The following PDE6D variants were observed in gnomAD, a reference collection of about 807,000 sequenced individuals.
The protein encoded by PDE6D is retinal rod rhodopsin-sensitive cGMP 3',5'-cyclic phosphodiesterase subunit delta.
Under a neutral mutation model 21.9 loss-of-function variants are expected in PDE6D, and 10 were observed. The observed-to-expected ratio is 0.46, with a 90% CI of 0.28 to 0.78. PDE6D has a LOEUF of 0.78. Ranked by LOEUF, PDE6D falls within the 30% of genes least tolerant of loss-of-function variation. The probability of loss-of-function intolerance (pLI) is 0.12; values close to 1 mark genes in which losing one functional copy is unlikely to be tolerated. For synonymous variants in PDE6D, 59 were observed against 63.5 expected, an observed-to-expected ratio of 0.93 and a Z score of 0.34; for missense variants, 139 against 184.8, an observed-to-expected ratio of 0.75 and a Z score of 1.44.
chr2:231,776,321 CAAAAAA>C (rs1008155828), intron 1 of PDE6D, among the ~76,000 whole-genome samples: 2 of 54,052 alleles, frequency 3.7e-5, no homozygotes, highest in Non-Finnish European at 7.0e-5. Context: ...GACTCCGTCT[CAAAAAA>C]AAAAAAAAAA....
chr2:231,777,448 G>A (rs2049066184), intron 1 of PDE6D, among the ~76,000 whole-genome samples: 1 of 152,018 alleles, frequency 6.6e-6, no homozygotes, highest in African/African-American at 2.4e-5. Context: ...GGGATTACAG[G>A]TGTGAGTCAC....
At chr2:231,763,030 A>C (rs2048944308) in intron 1 of PDE6D, among the ~76,000 whole-genome samples, 1 of 152,172 alleles carries the variant, frequency 6.6e-6, no homozygotes. Flanking sequence ...TGGTTCTAAG[A>C]GCAGTTGTTA....
intron 1 of PDE6D, among the ~76,000 whole-genome samples, chr2:231,763,611 T>C (rs1047731749): frequency 7.9e-5 from 12 of 152,160 alleles, no homozygotes; most frequent in Non-Finnish European, 1.6e-4. Context: ...AACTTTTATG[T>C]CATTTTTCTT....
At chr2:231,744,433 T>TC (rs2048775406) in intron 1 of PDE6D, among the ~76,000 whole-genome samples, 3 of 146,742 alleles carry the variant, frequency 2.0e-5, no homozygotes, top group Admixed American at 1.4e-4. Flanking sequence ...TAATTGCTTT[T>TC]CTTTTTTTTT....
intron 1 of PDE6D, among the ~76,000 whole-genome samples, chr2:231,768,223 T>C (rs2048988009): frequency 6.6e-6 from 1 of 152,198 alleles, no homozygotes; most frequent in African/African-American, 2.4e-5. Flanking sequence ...ATATCATTAA[T>C]GAATAAAATT....
At chr2:231,754,094 TCAGA>T (rs1200867942) in intron 1 of PDE6D, among the ~76,000 whole-genome samples, 1 of 152,114 alleles carries the variant, frequency 6.6e-6, no homozygotes, top group Non-Finnish European at 1.5e-5. Flanking sequence ...TAGGACCACA[TCAGA>T]CAAAGATGAT....
At position 231,770,911 on chromosome 2, in the gene PDE6D, C is replaced by T. The variant is rs1297266671; in HGVS notation, c.50+10154G>A. ...GAGGTTGCAGTGAGTTGAGATCGCG[C>T]CATTGCACTCCAGCCTGGGTGACAA... On this transcript the variant is annotated intron_variant, in intron 1 of 4. Transcript: ENST00000287600. Among the ~76,000 whole-genome samples the T allele has an allele frequency of 2.6e-5, 4 of 151,024 alleles. No homozygotes were observed. In the East Asian group the frequency reaches 7.8e-4, roughly 29 times the overall value.
At chr2:231,749,370 C>G (rs1011765351) in intron 1 of PDE6D, among the ~76,000 whole-genome samples, 18 of 152,220 alleles carry the variant, frequency 1.2e-4, no homozygotes, top group Non-Finnish European at 2.2e-4. Context: ...GCCAATTTCT[C>G]CCATTTGGAA....
chr2:231,739,183 C>T lies in PDE6D; in HGVS notation c.56G>A (p.Trp19Ter). The change falls in exon 2 of 5, where the codon TGG becomes TAG. Residue 19 changes from tryptophan to a stop codon, truncating the protein, a stop_gained. Coordinates refer to ENST00000287600, the MANE Select transcript of PDE6D (RefSeq NM_002601.4). LOFTEE classifies it high-confidence loss of function. The surrounding 1 kb of genome is among the most constrained non-coding windows in gnomAD (Gnocchi z 4.2). The part of the protein sequence containing the change: ...REILRGFKLN[W>*]MNLRDAETGK... ...TGTCTCAGCATCCCGAAGGTTCATC[C>T]AATTTCTGATCAAATATGACTAAGG... The T allele has an allele frequency of 6.2e-7, 1 of 1,604,112 alleles. No homozygotes were observed. The highest frequency in any genetic ancestry group is 8.5e-7 in the Non-Finnish European group (1 of 1,170,920).
At chr2:231,754,718 G>A (rs971312503) in intron 1 of PDE6D, among the ~76,000 whole-genome samples, 1 of 150,542 alleles carries the variant, frequency 6.6e-6, no homozygotes, top group African/African-American at 2.4e-5. Flanking sequence ...TTAATGCCAT[G>A]CAGCAAAACT....
At chr2:231,754,513 T>C (rs2106273924) in intron 1 of PDE6D, among the ~76,000 whole-genome samples, 1 of 150,472 alleles carries the variant, frequency 6.6e-6, no homozygotes, top group Non-Finnish European at 1.5e-5. Flanking sequence ...CCCACCACCA[T>C]GCCTGGCTAA....
chr2:231,735,190 C>T (rs838414), intron 4 of PDE6D, among the ~76,000 whole-genome samples: 4 of 132,330 alleles, frequency 3.0e-5, no homozygotes, highest in Non-Finnish European at 6.4e-5. Flanking sequence ...TGCAGTGAGC[C>T]GAGATCTTGC....
chr2:231,775,069 A>C (rs2049044372), intron 1 of PDE6D, among the ~76,000 whole-genome samples: 1 of 151,116 alleles, frequency 6.6e-6, no homozygotes, highest in Admixed American at 6.6e-5. Context: ...TGTGCCACCA[A>C]GTTTGGCTAA....
At position 231,732,893 on chromosome 2, in the gene PDE6D, AAC is replaced by A. The variant is rs199614325; in HGVS notation, c.*57_*58del. ...ATCAAACGTGTGGAGGAAAAAAGTA[AAC>A]AGTTTCCTCCTCCCTCCAAAAAACC... On this transcript the variant is annotated 3_prime_UTR_variant, in exon 5 of 5. Transcript: ENST00000287600. 16,829 of 1,119,056 alleles carry A rather than the reference AAC, an allele frequency of 0.015. 207 individuals carry two copies. Among genetic ancestry groups the A allele is most frequent in the Non-Finnish European group, 0.016 (12,104 of 737,510 alleles). 69.3% of individuals were successfully genotyped at this position (1,119,056 alleles called of 1,614,324 possible).
chr2:231,766,244 ACTGGC>A (rs2106282346), intron 1 of PDE6D, among the ~76,000 whole-genome samples: 2 of 152,326 alleles, frequency 1.3e-5, no homozygotes, highest in Admixed American at 1.3e-4. Flanking sequence ...CAAAATTCAA[ACTGGC>A]CTGGGAAACA....
At chr2:231,759,194 G>A (rs2106277368) in intron 1 of PDE6D, among the ~76,000 whole-genome samples, 1 of 152,170 alleles carries the variant, frequency 6.6e-6, no homozygotes, top group Admixed American at 6.5e-5. Context: ...GCACATGCCT[G>A]TAGTCCCAGC....
intron 1 of PDE6D, among the ~76,000 whole-genome samples, chr2:231,761,148 T>C (rs574256171): frequency 2.0e-5 from 3 of 152,294 alleles, no homozygotes; most frequent in Admixed American, 6.5e-5. Flanking sequence ...ATTGATTGTA[T>C]TGGCCCAACA....
At position 231,746,655 on chromosome 2, in the gene PDE6D, G is replaced by A. The variant is rs906729030; in HGVS notation, c.51-7467C>T. ...ATAAACAGATCCACACTACATGCCC[G>A]TACCTCACCGGCCAGTTGAAGGAGG... On this transcript the variant is annotated intron_variant, in intron 1 of 4. Coordinates refer to ENST00000287600, the MANE Select transcript of PDE6D (RefSeq NM_002601.4). Among the ~76,000 whole-genome samples the A allele has an allele frequency of 2.6e-5, 4 of 152,192 alleles. No homozygotes were observed. In the South Asian group the frequency reaches 6.2e-4, roughly 24 times the overall value.
chr2:231,778,737 T>A (rs1462613000), intron 1 of PDE6D: 3 of 152,218 alleles, frequency 2.0e-5, no homozygotes, highest in African/African-American at 7.2e-5. Context: ...TATAGAGACA[T>A]AGTCCAGTAT....
Sources: gnomAD v4.1 joint callset for allele counts (sites outside exome capture counted in the v4.1 genomes callset) on GRCh38, gnomAD v4.1.1 for gene constraint, Gnocchi (gnomAD v3.1) non-coding constraint, MANE v1.5 for transcripts, NCBI Gene and HGNC (gene_info 2026-07-23, HGNC 2026-07-21) for gene names.